MROH9: variants seen among roughly 807,000 people sequenced by gnomAD.
MROH9 encodes the protein maestro heat-like repeat-containing protein family member 9.
In MROH9, 92 loss-of-function variants were observed where a neutral mutation model predicts 98.2. That is an observed-to-expected ratio of 0.94 (90% confidence interval 0.79 to 1.11). The LOEUF (loss-of-function observed/expected upper bound fraction) is 1.11, where lower values mean the gene tolerates loss of function less well. Among genes scored for constraint, MROH9 ranks in the 50% most tolerant of loss-of-function variants. The probability of loss-of-function intolerance (pLI) is 0.00; values close to 1 mark genes in which losing one functional copy is unlikely to be tolerated. For synonymous variants in MROH9, 397 were observed against 368.9 expected, an observed-to-expected ratio of 1.08 and a Z score of -0.87; for missense variants, 1,057 against 1,014.8, an observed-to-expected ratio of 1.04 and a Z score of -0.57.
At chr1:170,977,689 C>T (rs1571469124) in intron 8 of MROH9, among the ~76,000 whole-genome samples, 1 of 152,138 alleles carries the variant, frequency 6.6e-6, no homozygotes, top group African/African-American at 2.4e-5. Flanking sequence ...CATGGCTTGG[C>T]ACTTCCAGGA....
chr1:170,966,447 T>A (rs1175952669), intron 7 of MROH9, among the ~76,000 whole-genome samples: 1 of 152,108 alleles, frequency 6.6e-6, no homozygotes, highest in Non-Finnish European at 1.5e-5. Flanking sequence ...ATTACTTATC[T>A]GATTGCTGGA....
chr1:171,039,402 C>T (rs1358967671), intron 20 of MROH9, among the ~76,000 whole-genome samples: 1 of 152,168 alleles, frequency 6.6e-6, no homozygotes, highest in African/African-American at 2.4e-5. Flanking sequence ...TCTTTTGCTG[C>T]TCTAGCATTC....
chr1:171,016,248 C>A lies in MROH9; in HGVS notation c.1820C>A (p.Thr607Asn). 1 of 1,541,202 alleles carries A rather than the reference C, an allele frequency of 6.5e-7. No homozygotes were observed. Residue 607 changes from threonine (T) to asparagine (N), a missense_variant, in exon 17 of 22, where the codon ACC (threonine) becomes AAC (asparagine). Thr to Asn is a moderately conservative substitution (Grantham distance 65). Coordinates refer to ENST00000367759, the MANE Select transcript of MROH9 (RefSeq NM_001163629.2). Reference sequence around the variant, plus strand: ...AATGTTGTACTTCAGGCCTTGCTCACCCTTAGAAGGCTTTTAAACGAACTG... The same window carrying A: ...AATGTTGTACTTCAGGCCTTGCTCAACCTTAGAAGGCTTTTAAACGAACTG... ...DDNVVLQALL[T>N]LRRLLNELDK...
intron 7 of MROH9, among the ~76,000 whole-genome samples, chr1:170,970,732 G>GTGTGTGTGAGAA (rs869237637): frequency 1.7e-5 from 1 of 57,436 alleles, no homozygotes; most frequent in Admixed American, 1.6e-4. Flanking sequence ...GTGTGTGTGT[G>GTGTGTGTGAGAA]AGAGAGAGAG....
chr1:170,958,502 G>A lies in MROH9; in HGVS notation c.114G>A (p.Leu38=). Residue 38 remains leucine, a synonymous_variant, in exon 4 of 22, where the codon CTG becomes CTA. Transcript: ENST00000367759. Reference sequence around the variant, plus strand: ...GCCTATTGGATGCATACTCAGGCCTGTTAAGTAATGAATCCATGATCCTGG... The same window carrying A: ...GCCTATTGGATGCATACTCAGGCCTATTAAGTAATGAATCCATGATCCTGG... ...VNSLLDAYSG[L]LSNESMILAV... The A allele has an allele frequency of 1.9e-6, 3 of 1,594,348 alleles. No homozygotes were observed. Among genetic ancestry groups the A allele is most frequent in the East Asian group, 2.2e-5 (1 of 44,576 alleles).
At chr1:171,037,427 A>C (rs1653138856) in intron 20 of MROH9, among the ~76,000 whole-genome samples, 1 of 152,012 alleles carries the variant, frequency 6.6e-6, no homozygotes, top group East Asian at 1.9e-4. Context: ...TATTTCTATG[A>C]AGAAAATTGC....
intron 15 of MROH9, 62 bp from the exon 16 acceptor site, chr1:171,014,055 A>G (rs1413801787): frequency 1.5e-6 from 2 of 1,366,918 alleles, no homozygotes; most frequent in Admixed American, 2.3e-5. Flanking sequence ...CTTGATTTTT[A>G]TGACAGAAAT....
chr1:170,981,196 C>T (rs1227864117), intron 8 of MROH9, among the ~76,000 whole-genome samples: 1 of 152,156 alleles, frequency 6.6e-6, no homozygotes, highest in East Asian at 1.9e-4. Context: ...TTGTAGAAAA[C>T]AGTATGGTGA....
intron 15 of MROH9, among the ~76,000 whole-genome samples, chr1:171,009,130 C>T (rs1652061811): frequency 6.6e-6 from 1 of 151,494 alleles, no homozygotes; most frequent in Non-Finnish European, 1.5e-5. Flanking sequence ...CTTTAAAGGA[C>T]ATGGGAGTAA....
At chr1:171,060,650 A>G (rs1653982626) in intron 20 of MROH9, among the ~76,000 whole-genome samples, 1 of 152,196 alleles carries the variant, frequency 6.6e-6, no homozygotes, top group Admixed American at 6.5e-5. Context: ...TAAGGTAAGA[A>G]CGATTTTTCT....
intron 15 of MROH9, among the ~76,000 whole-genome samples, chr1:171,007,857 T>C (rs1652017612): frequency 6.6e-6 from 1 of 152,208 alleles, no homozygotes; most frequent in Non-Finnish European, 1.5e-5. Flanking sequence ...TAGCCAAGTC[T>C]GCAGAGAGAC....
intron 17 of MROH9, among the ~76,000 whole-genome samples, chr1:171,019,407 A>G (rs7886157): frequency 0.066 from 9,971 of 152,164 alleles, 1,012 homozygotes; most frequent in African/African-American, 0.22. Flanking sequence ...TAATCCCAGC[A>G]CTTTGGAAGG....
intron 7 of MROH9, among the ~76,000 whole-genome samples, chr1:170,968,211 A>G (rs1344186273): frequency 6.6e-6 from 1 of 152,212 alleles, no homozygotes; most frequent in Non-Finnish European, 1.5e-5. Flanking sequence ...CTGGGAGTCA[A>G]AGGCAGGCTG....
chr1:170,951,729 T>C (rs1376717343), intron 3 of MROH9, among the ~76,000 whole-genome samples: 1 of 152,082 alleles, frequency 6.6e-6, no homozygotes, highest in Non-Finnish European at 1.5e-5. Context: ...TCAGTGCTTC[T>C]CACTATATTA....
At chr1:170,975,635 TG>T (rs1414876267) in intron 8 of MROH9, among the ~76,000 whole-genome samples, 10 of 152,160 alleles carry the variant, frequency 6.6e-5, no homozygotes, top group Non-Finnish European at 1.5e-4. Context: ...TGAGAACCTG[TG>T]GTATTTGACT....
chr1:170,959,020 G>A (rs1030855361), intron 4 of MROH9, among the ~76,000 whole-genome samples: 1 of 152,072 alleles, frequency 6.6e-6, no homozygotes, highest in East Asian at 1.9e-4. Context: ...ATTTTTAAGA[G>A]AATATTTAAG....
intron 15 of MROH9, among the ~76,000 whole-genome samples, chr1:171,008,277 G>A (rs1218089309): frequency 6.6e-6 from 1 of 151,938 alleles, no homozygotes; most frequent in African/African-American, 2.4e-5. Flanking sequence ...ATATATAATG[G>A]TCACAGATAG....
At position 171,024,258 on chromosome 1, in the gene MROH9, GT is replaced by G. The variant is rs976709240; in HGVS notation, c.1909-136del. 2.2e-4 allele frequency: 131 copies of G among 597,628 alleles called. No individual in the cohort carries two copies. The African/African-American group carries it at 2.3e-3, about 11-fold the overall frequency. The allele number at this position is 597,628 out of a possible 1,614,324, so 37.0% of individuals were successfully genotyped here. ...CTAAAAATAAATAAAATTTCACATA[GT>G]GTATGTATATATACACATATACATA... is the stretch of plus-strand genomic sequence containing the variant. On this transcript the variant is annotated intron_variant, in intron 17 of 21. Coordinates refer to ENST00000367759, the MANE Select transcript of MROH9 (RefSeq NM_001163629.2).
intron 6 of MROH9, among the ~76,000 whole-genome samples, chr1:170,963,954 A>G (rs1571455251): frequency 6.6e-6 from 1 of 152,054 alleles, no homozygotes; most frequent in African/African-American, 2.4e-5. Context: ...AATAAAAGTT[A>G]AAAAAAGTTG....
Sources: allele counts gnomAD v4.1 joint callset (sites outside exome capture counted in the v4.1 genomes callset), GRCh38; gene constraint gnomAD v4.1.1; transcripts MANE v1.5; gene names NCBI Gene and HGNC (gene_info 2026-07-23, HGNC 2026-07-21).